Variants in SLC24A5 observed in about 807,000 individuals in gnomAD.
The protein encoded by SLC24A5 is sodium/potassium/calcium exchanger 5.
A neutral mutation model predicts 51.6 loss-of-function variants in SLC24A5; 46 were observed. That is an observed-to-expected ratio of 0.89 (90% CI 0.70 to 1.14). The LOEUF (loss-of-function observed/expected upper bound fraction) is 1.14, where lower values mean the gene tolerates loss of function less well. Ranked by LOEUF, SLC24A5 falls within the 50% of genes most tolerant of loss-of-function variation. The probability of loss-of-function intolerance (pLI) is 0.00; values close to 1 mark genes in which losing one functional copy is unlikely to be tolerated. For missense variants in SLC24A5, 581 were observed against 604.1 expected (o/e 0.96, Z 0.40); for synonymous variants, 230 against 214.9 (o/e 1.07, Z -0.62).
At chr15:48,134,014 C>A (rs2038832475) in intron 2 of SLC24A5, among the ~76,000 whole-genome samples, 1 of 152,084 alleles carries the variant, frequency 6.6e-6, no homozygotes, top group South Asian at 2.1e-4. Context: ...TCCAAATAAC[C>A]CTATGTTTGG....
rs2038970166 is a variant in SLC24A5, at chr15:48,138,904, A to G, written c.872-65A>G. The G allele has an allele frequency of 2.6e-5, 31 of 1,198,756 alleles. No homozygotes were observed. In the South Asian group the frequency reaches 4.1e-4, roughly 16 times the overall value. 74.3% of individuals were successfully genotyped at this position (1,198,756 alleles called of 1,614,324 possible). On this transcript the variant is annotated intron_variant, in intron 6 of 8. Coordinates refer to ENST00000341459, the MANE Select transcript of SLC24A5 (RefSeq NM_205850.3). ...AATTTATTTCAATATAACTTTCTAA[A>G]TAGGCATTTCTAACTTAATTAGCCA...
chr15:48,135,701 GAAA>G (rs1292534156), intron 5 of SLC24A5: 2 of 141,828 alleles, frequency 1.4e-5, no homozygotes, highest in Non-Finnish European at 3.0e-5. Flanking sequence ...GAGGACACCA[GAAA>G]AATATGAAAA....
intron 5 of SLC24A5, chr15:48,136,140 A>G (rs1246936715): frequency 6.6e-6 from 1 of 152,184 alleles, no homozygotes; most frequent in Non-Finnish European, 1.5e-5. Flanking sequence ...ATTCAGCTAC[A>G]TTCAAATCAT....
At chr15:48,125,640 T>A (rs1240514987) in intron 2 of SLC24A5, among the ~76,000 whole-genome samples, 2 of 152,302 alleles carry the variant, frequency 1.3e-5, no homozygotes, top group Non-Finnish European at 2.9e-5. Context: ...GGAAGTATAT[T>A]ACAAAATAAA....
chr15:48,132,034 G>T (rs555040816), intron 2 of SLC24A5, among the ~76,000 whole-genome samples: 1 of 152,224 alleles, frequency 6.6e-6, no homozygotes, highest in African/African-American at 2.4e-5. Context: ...CTTTCAAAAT[G>T]AAAGCCAAAG....
intron 4 of SLC24A5, 148 bp from the exon 5 acceptor site, chr15:48,134,736 A>G: frequency 1.3e-6 from 1 of 754,812 alleles, no homozygotes; most frequent in Non-Finnish European, 2.1e-6. Flanking sequence ...TGTGTAAGTT[A>G]GAACACAATT....
intron 5 of SLC24A5, chr15:48,136,451 A>T: frequency 2.8e-6 from 1 of 362,476 alleles, no homozygotes; most frequent in Non-Finnish European, 4.9e-6. Flanking sequence ...GAGTTTGTTG[A>T]TCTTGTTTTT....
In SLC24A5 at chr15:48,142,659, C is replaced by T. The variant is rs1175990347; in HGVS notation, c.*308C>T. 42 of 454,718 alleles carry T rather than the reference C, an allele frequency of 9.2e-5. No individual in the cohort carries two copies. In the East Asian group the frequency reaches 1.5e-3, roughly 16 times the overall value. The allele number at this position is 454,718 out of a possible 1,614,324, so 28.2% of individuals were successfully genotyped here. A position where few individuals can be genotyped will look rare whatever the true frequency, so the allele number is the denominator to read the frequency against. On this transcript the variant is annotated 3_prime_UTR_variant, in exon 9 of 9. Coordinates refer to ENST00000341459, the MANE Select transcript of SLC24A5 (RefSeq NM_205850.3). The stretch of plus-strand genomic sequence containing the variant: ...AGTACTGAAAACAACAAGAAAATGG[C>T]TTATTTCATTAAAAACAGTATAACC...
At position 48,121,809 on chromosome 15, in the gene SLC24A5, A is replaced by T. The variant is rs201813354; in HGVS notation, c.122-48A>T. 5.7e-6 allele frequency: 9 copies of T among 1,581,166 alleles called. No individual in the cohort carries two copies. In the Admixed American group the frequency reaches 1.5e-4, roughly 27 times the overall value. ...TAAGGAAGCTCTCTGTGGGCTTGGA[A>T]TGTGTGACTCCAAACTCTTCAAACT... On this transcript the variant is annotated intron_variant, in intron 1 of 8. Coordinates refer to ENST00000341459, the MANE Select transcript of SLC24A5 (RefSeq NM_205850.3).
intron 2 of SLC24A5, 173 bp downstream of exon 2, chr15:48,122,209 G>C: frequency 1.5e-6 from 1 of 664,270 alleles, no homozygotes; most frequent in Non-Finnish European, 2.7e-6. Flanking sequence ...GTTTCTCTTG[G>C]TAGTTAATGT....
chr15:48,121,846 T>G lies in SLC24A5; in HGVS notation c.122-11T>G. 6.2e-7 allele frequency: 1 copy of G among 1,613,938 alleles called. No individual in the cohort carries two copies. Among genetic ancestry groups the G allele is most frequent in the Non-Finnish European group, 8.5e-7 (1 of 1,179,820 alleles). ...AAACTCTTCAAACTTTCACCTCCTT[T>G]TCCTTAACAGGAAATAGCACCCAAT... On this transcript the variant is annotated splice_polypyrimidine_tract_variant and intron_variant, in intron 1 of 8. Coordinates refer to ENST00000341459, the MANE Select transcript of SLC24A5 (RefSeq NM_205850.3).
At position 48,140,559 on chromosome 15, in the gene SLC24A5, A is replaced by AAC. The variant is rs1466678670; in HGVS notation, c.1079-554_1079-553insAC. 142 of 152,404 alleles carry AAC rather than the reference A, an allele frequency of 9.3e-4. 1 individual carries two copies. The highest frequency in any genetic ancestry group is 3.4e-3 in the African/African-American group (140 of 41,572). 9.4% of individuals were successfully genotyped at this position (152,404 alleles called of 1,614,324 possible). ...TATTAATAAATTGGGACCATATGTTAGACTCAAGTAGAAAACAGGTTTTGT... is the reference window on the plus strand; with the variant it reads ...TATTAATAAATTGGGACCATATGTTAACGACTCAAGTAGAAAACAGGTTTTGT... On this transcript the variant is annotated intron_variant, in intron 7 of 8. Transcript: ENST00000341459.
chr15:48,139,011 G>T lies in SLC24A5; in HGVS notation c.914G>T (p.Arg305Ile), dbSNP rs777788775. The T allele has an allele frequency of 3.7e-6, 6 of 1,612,736 alleles. No homozygotes were observed. The highest frequency in any genetic ancestry group is 1.7e-5 in the Admixed American group (1 of 59,954). The part of the protein sequence containing the change: ...VFNMPEADLK[R>I]IFWVLSLPII... ...AACATGCCTGAAGCAGACTTAAAAA[G>T]AATTTTTTGGGTATTATCCCTTCCT... Residue 305 changes from arginine (R) to isoleucine (I), a missense_variant, in exon 7 of 9, where the codon AGA becomes ATA. Physicochemically the swap from Arg to Ile is moderately conservative, Grantham distance 97. Transcript: ENST00000341459.
At chr15:48,135,292 C>T (rs2038869488) in intron 5 of SLC24A5, 1 of 212,888 alleles carries the variant, frequency 4.7e-6, no homozygotes, top group Admixed American at 5.3e-5. Flanking sequence ...ATTAAAGCCA[C>T]AACAGTTGAC....
intron 6 of SLC24A5, 130 bp from the exon 7 acceptor site, chr15:48,138,839 C>T (rs1221964799): frequency 1.3e-5 from 9 of 671,430 alleles, no homozygotes; most frequent in African/African-American, 3.6e-5. Context: ...TAATGAGGTA[C>T]TCAAATGTTT....
At chr15:48,134,595 T>C in intron 4 of SLC24A5, 57 bp downstream of exon 4, 2 of 1,404,494 alleles carry the variant, frequency 1.4e-6, no homozygotes, top group Non-Finnish European at 2.0e-6. Flanking sequence ...TAAAGATAAC[T>C]GTTCGTCGTC....
Position 48,136,889 on chromosome 15 carries a change from G to A in SLC24A5, c.797G>A (p.Ser266Asn). The A allele has an allele frequency of 6.2e-7, 1 of 1,613,858 alleles. No homozygotes were observed. The highest frequency in any genetic ancestry group is 1.1e-5 in the South Asian group (1 of 91,060). Residue 266 changes from serine to asparagine, a missense_variant, in exon 6 of 9, where the codon AGT becomes AAT. Ser to Asn is a conservative substitution (Grantham distance 46, BLOSUM62 1). Coordinates refer to ENST00000341459, the MANE Select transcript of SLC24A5 (RefSeq NM_205850.3). ...PFIRRQSRTDSGIFYEDSGYS... is the reference protein window; with the variant it reads ...PFIRRQSRTDNGIFYEDSGYS... Reference sequence around the variant, plus strand: ...ATTCGTCGGCAATCAAGAACTGATAGTGGAATATTTTATGAAGATTCTGGC... The same window carrying A: ...ATTCGTCGGCAATCAAGAACTGATAATGGAATATTTTATGAAGATTCTGGC...
intron 2 of SLC24A5, among the ~76,000 whole-genome samples, chr15:48,129,822 A>T (rs1178516252): frequency 2.0e-5 from 3 of 152,202 alleles, no homozygotes; most frequent in African/African-American, 7.2e-5. Flanking sequence ...GATTGAAAAA[A>T]AAAGATAATA....
intron 7 of SLC24A5, 82 bp from the exon 8 acceptor site, chr15:48,141,031 A>G: frequency 1.7e-6 from 2 of 1,143,664 alleles, no homozygotes; most frequent in African/African-American, 3.1e-5. Context: ...ATTTTTGTTC[A>G]CGAAGGAAAT....
Sources: allele counts gnomAD v4.1 joint callset (sites outside exome capture counted in the v4.1 genomes callset), GRCh38; gene constraint gnomAD v4.1.1; transcripts MANE v1.5; gene names NCBI Gene and HGNC (gene_info 2026-07-23, HGNC 2026-07-21).